Variants in UTP20 observed in about 807,000 individuals in gnomAD.
UTP20 encodes small subunit processome component 20 homolog.
A neutral mutation model predicts 329.5 loss-of-function variants in UTP20; 164 were observed. The ratio of observed to expected loss-of-function variants is 0.50; its 90% CI spans 0.44 to 0.57. The LOEUF is 0.57. UTP20 is among the 20% of genes least tolerant of loss of function. The pLI is 0.00. For synonymous variants in UTP20, 1,151 were observed against 1,159.3 expected (o/e 0.99, Z 0.14); for missense variants, 3,055 against 3,284.2 (o/e 0.93, Z 1.71).
chr12:101,338,367 C>A, intron 30 of UTP20, 90 bp downstream of exon 30: 1 of 1,301,680 alleles, frequency 7.7e-7, no homozygotes. Context: ...TAATTTGACT[C>A]ACTCGAGAGC....
At chr12:101,359,119 T>G (rs1486913409) in intron 43 of UTP20, among the ~76,000 whole-genome samples, 1 of 152,132 alleles carries the variant, frequency 6.6e-6, no homozygotes, top group African/African-American at 2.4e-5. Flanking sequence ...CAGGCTGGAG[T>G]GCACTGCGAT....
At chr12:101,385,763 T>C (rs1304477044) in intron 61 of UTP20, 35 bp downstream of exon 61, 1 of 1,596,764 alleles carries the variant, frequency 6.3e-7, no homozygotes, top group East Asian at 2.2e-5. Context: ...GCATGTTCAC[T>C]GGACTTGATA....
intron 12 of UTP20, among the ~76,000 whole-genome samples, chr12:101,298,903 GA>G (rs1298920806): frequency 6.8e-6 from 1 of 147,716 alleles, no homozygotes; most frequent in Non-Finnish European, 1.5e-5. Flanking sequence ...TCCCCTACCT[GA>G]CCATTTTTTG....
chr12:101,297,252 G>A (rs141546260), intron 12 of UTP20, among the ~76,000 whole-genome samples: 2,104 of 152,206 alleles, frequency 0.014, 21 homozygotes, highest in Middle Eastern at 0.037. Context: ...GTCTTGCTCT[G>A]TCACCCAGGC....
rs1356902682 is a variant in UTP20, at chr12:101,386,082, C to CA, written c.8323dup (p.Ser2775LysfsTer3). ...GCGTCCAGGATATAAGGCCAAGAGA[C>CA]AAAAAAGCCATAGCCTGAAAGATTT... On this transcript the variant is annotated frameshift_variant, in exon 62 of 62. Transcript: ENST00000261637. LOFTEE classifies it high-confidence loss of function. 1 of 1,606,798 alleles carries CA rather than the reference C, an allele frequency of 6.2e-7. No individual in the cohort carries two copies. The highest frequency in any genetic ancestry group is 1.7e-5 in the Admixed American group (1 of 57,434).
At chr12:101,306,089 G>T in intron 16 of UTP20, 24 bp downstream of exon 16, 1 of 1,595,596 alleles carries the variant, frequency 6.3e-7, no homozygotes, top group East Asian at 2.3e-5. Flanking sequence ...GTGGTAGTGT[G>T]TCCTCAGTCT....
At chr12:101,311,575 T>C in intron 19 of UTP20, 144 bp from the exon 20 acceptor site, 1 of 658,920 alleles carries the variant, frequency 1.5e-6, no homozygotes, top group African/African-American at 1.8e-5. Flanking sequence ...TATAGAAAAG[T>C]GCAAAAGGTG....
chr12:101,347,941 G>A (rs1211459723), intron 38 of UTP20, among the ~76,000 whole-genome samples: 2 of 152,120 alleles, frequency 1.3e-5, no homozygotes, highest in Non-Finnish European at 2.9e-5. Flanking sequence ...TGATTCTCCT[G>A]CCTCAGCCTC....
At chr12:101,300,354 C>T (rs969006815) in intron 14 of UTP20, among the ~76,000 whole-genome samples, 10 of 152,154 alleles carry the variant, frequency 6.6e-5, no homozygotes, top group African/African-American at 2.2e-4. Context: ...TCATCTCCCA[C>T]GTACATCTGA....
In UTP20 at chr12:101,308,300, A is replaced by G. The variant is rs1394561622; in HGVS notation, c.2111A>G (p.His704Arg). The change falls in exon 18 of 62, where the codon CAT (histidine) becomes CGT (arginine). Residue 704 changes from histidine to arginine, a missense_variant. Physicochemically the swap from His to Arg is conservative, Grantham distance 29. Transcript: ENST00000261637. Reference protein sequence around the residue: ...EKLLHLRKLRHDVVQTAVPDG... With the variant: ...EKLLHLRKLRRDVVQTAVPDG... ...CTTCTTCATTTGAGAAAACTAAGAC[A>G]TGATGTGGTACAGACTGCTGTCCCT... 3.7e-6 allele frequency: 6 copies of G among 1,612,704 alleles called. No individual in the cohort carries two copies. Among genetic ancestry groups the G allele is most frequent in the Non-Finnish European group, 5.1e-6 (6 of 1,179,480 alleles).
intron 31 of UTP20, 70 bp from the exon 32 acceptor site, chr12:101,340,453 C>T: frequency 1.0e-6 from 1 of 962,482 alleles, no homozygotes; most frequent in South Asian, 1.6e-5. Flanking sequence ...TGTTTTTCTA[C>T]AAAAAGTTTA....
Position 101,386,092 on chromosome 12 carries a change from A to G in UTP20, c.8327A>G (p.His2776Arg). ...PGYKAKRQKS[H>R]SLKDLAMVE ...TATAAGGCCAAGAGACAAAAAAGCCATAGCCTGAAAGATTTAGCAATGGTG... is the reference window on the plus strand; with the variant it reads ...TATAAGGCCAAGAGACAAAAAAGCCGTAGCCTGAAAGATTTAGCAATGGTG... The change falls in exon 62 of 62, where the codon CAT (histidine) becomes CGT (arginine). Residue 2776 changes from histidine to arginine, a missense_variant. His to Arg is a conservative substitution (Grantham distance 29). Coordinates refer to ENST00000261637, the MANE Select transcript of UTP20 (RefSeq NM_014503.3). 2 of 1,607,622 alleles carry G rather than the reference A, an allele frequency of 1.2e-6. No homozygotes were observed. The highest frequency in any genetic ancestry group is 8.5e-7 in the Non-Finnish European group (1 of 1,178,910).
chr12:101,303,772 T>C (rs1179704297), intron 15 of UTP20, among the ~76,000 whole-genome samples: 1 of 152,250 alleles, frequency 6.6e-6, no homozygotes, highest in Non-Finnish European at 1.5e-5. Context: ...TCACTCCGGC[T>C]GCTGTGTTGA....
intron 22 of UTP20, 65 bp downstream of exon 22, chr12:101,317,728 T>C: frequency 6.9e-7 from 1 of 1,444,780 alleles, no homozygotes; most frequent in East Asian, 2.5e-5. Flanking sequence ...AGAGGTCTCT[T>C]ACGGCTTTAT....
At chr12:101,293,269 G>T in intron 11 of UTP20, 24 bp downstream of exon 11, 1 of 1,602,370 alleles carries the variant, frequency 6.2e-7, no homozygotes, top group Non-Finnish European at 8.5e-7. Flanking sequence ...TAAGTTCGGA[G>T]TATTTTTAAA....
chr12:101,292,986 C>T (rs964710942), intron 10 of UTP20, among the ~76,000 whole-genome samples, 182 bp from the exon 11 acceptor site: 9 of 152,320 alleles, frequency 5.9e-5, no homozygotes, highest in Non-Finnish European at 1.3e-4. Flanking sequence ...AGCCTTTAGG[C>T]AGAGCCCTGT....
chr12:101,344,053 T>A (rs572814413), intron 35 of UTP20, among the ~76,000 whole-genome samples: 2 of 152,330 alleles, frequency 1.3e-5, no homozygotes, highest in East Asian at 1.9e-4. Context: ...TGTGGCATTT[T>A]ATAGTTATTC....
intron 60 of UTP20, among the ~76,000 whole-genome samples, chr12:101,385,313 T>C (rs570268334): frequency 5.3e-5 from 8 of 152,272 alleles, no homozygotes; most frequent in East Asian, 3.9e-4. Flanking sequence ...TGATTTCTTA[T>C]TGCATCCTGG....
intron 41 of UTP20, among the ~76,000 whole-genome samples, chr12:101,355,620 T>C (rs1869693544): frequency 6.6e-6 from 1 of 152,192 alleles, no homozygotes; most frequent in South Asian, 2.1e-4. Flanking sequence ...AACACAATTA[T>C]CCACTTGTTT....
Sources: gnomAD v4.1 joint callset for allele counts (sites outside exome capture counted in the v4.1 genomes callset) on GRCh38, gnomAD v4.1.1 for gene constraint, MANE v1.5 for transcripts, NCBI Gene and HGNC (gene_info 2026-07-23, HGNC 2026-07-21) for gene names.